MROH9: variants seen among roughly 807,000 people sequenced by gnomAD.
MROH9 encodes the protein maestro heat like repeat family member 9.
A neutral mutation model predicts 98.2 loss-of-function variants in MROH9; 92 were observed. The observed-to-expected ratio is 0.94, with a 90% confidence interval of 0.79 to 1.11. MROH9 has a LOEUF of 1.11. Ranked by LOEUF, MROH9 falls within the 50% of genes most tolerant of loss-of-function variation. The pLI is 0.00. For missense variants in MROH9, 1,057 were observed against 1,014.8 expected (o/e 1.04, Z -0.57); for synonymous variants, 397 against 368.9 (o/e 1.08, Z -0.87).
chr1:170,946,732 T>C (rs1649344926), intron 2 of MROH9, among the ~76,000 whole-genome samples: 1 of 151,848 alleles, frequency 6.6e-6, no homozygotes, highest in Non-Finnish European at 1.5e-5. Context: ...ATAGAAGACA[T>C]AAAATAATTA....
At chr1:171,054,964 A>G (rs1653789065) in intron 20 of MROH9, among the ~76,000 whole-genome samples, 1 of 152,090 alleles carries the variant, frequency 6.6e-6, no homozygotes, top group Admixed American at 6.6e-5. Context: ...AAACAACTAA[A>G]AGTAGATCTA....
chr1:171,030,395 G>A (rs905983593), intron 20 of MROH9, among the ~76,000 whole-genome samples: 1 of 152,060 alleles, frequency 6.6e-6, no homozygotes, highest in Non-Finnish European at 1.5e-5. Flanking sequence ...GTCAATTTGA[G>A]ATCTTCCAAG....
At chr1:170,952,095 A>C (rs958482878) in intron 3 of MROH9, among the ~76,000 whole-genome samples, 1 of 151,624 alleles carries the variant, frequency 6.6e-6, no homozygotes, top group African/African-American at 2.4e-5. Context: ...AAAAGTCAGG[A>C]AACAACAGGT....
intron 17 of MROH9, among the ~76,000 whole-genome samples, chr1:171,017,390 T>C (rs1316867380): frequency 2.0e-5 from 3 of 152,220 alleles, no homozygotes; most frequent in Non-Finnish European, 2.9e-5. Flanking sequence ...TGAGTGAGCA[T>C]GCTACCCAGC....
At chr1:171,045,146 G>A (rs568954689) in intron 20 of MROH9, among the ~76,000 whole-genome samples, 4 of 150,720 alleles carry the variant, frequency 2.7e-5, no homozygotes, top group African/African-American at 7.3e-5. Flanking sequence ...GACTACAGGC[G>A]CCCGCCACCA....
chr1:170,955,872 G>T (rs1649739440), intron 3 of MROH9, among the ~76,000 whole-genome samples: 2 of 152,076 alleles, frequency 1.3e-5, no homozygotes, highest in Admixed American at 6.6e-5. Context: ...TTGGGTTCTT[G>T]GTCATGAAAT....
chr1:170,973,659 T>C (rs1307807969), intron 8 of MROH9, among the ~76,000 whole-genome samples: 2 of 152,170 alleles, frequency 1.3e-5, no homozygotes, highest in African/African-American at 4.8e-5. Context: ...GCAGATCACC[T>C]GAGGTCAAGA....
intron 3 of MROH9, among the ~76,000 whole-genome samples, chr1:170,957,578 T>C (rs1404674139): frequency 6.6e-6 from 1 of 152,218 alleles, no homozygotes. Context: ...TTTTGTATTA[T>C]AGCTTGAAAT....
chr1:170,973,261 A>G (rs9427209), intron 8 of MROH9, among the ~76,000 whole-genome samples: 12,648 of 152,192 alleles, frequency 0.083, 653 homozygotes, highest in Non-Finnish European at 0.11. Context: ...GGAAACAACA[A>G]AAATGATTAG....
At chr1:170,998,806 A>G in intron 15 of MROH9, 1 of 919,112 alleles carries the variant, frequency 1.1e-6, no homozygotes, top group Non-Finnish European at 1.3e-6. Context: ...ATAACCTGAA[A>G]TTATCAAATC....
chr1:170,999,278 A>G (rs141206643), intron 15 of MROH9, among the ~76,000 whole-genome samples: 15 of 152,058 alleles, frequency 9.9e-5, no homozygotes, highest in African/African-American at 3.1e-4. Context: ...AGCAGCATAC[A>G]CTGCACAATA....
At chr1:170,956,577 C>G (rs1452011148) in intron 3 of MROH9, among the ~76,000 whole-genome samples, 1 of 111,500 alleles carries the variant, frequency 9.0e-6, no homozygotes, top group African/African-American at 4.0e-5. Context: ...TTGTTTTTCT[C>G]TTTCCTTTTT....
chr1:171,016,274 G>A lies in MROH9; in HGVS notation c.1846G>A (p.Asp616Asn), dbSNP rs1245406186. 14 of 1,538,146 alleles carry A rather than the reference G, an allele frequency of 9.1e-6. No individual in the cohort carries two copies. Among genetic ancestry groups the A allele is most frequent in the South Asian group, 1.2e-5 (1 of 81,458 alleles). The change falls in exon 17 of 22, where the codon GAC (aspartate) becomes AAC (asparagine). Residue 616 changes from aspartate to asparagine, a missense_variant. Transcript: ENST00000367759. ...LTLRRLLNEL[D>N]KVTYSLGTRI... is the part of the protein sequence containing the mutation. Reference sequence around the variant, plus strand: ...CCTTAGAAGGCTTTTAAACGAACTGGACAAAGTGACCTACTCTTTGGGTAC... The same window carrying A: ...CCTTAGAAGGCTTTTAAACGAACTGAACAAAGTGACCTACTCTTTGGGTAC...
chr1:171,008,685 G>A (rs1184671752), intron 15 of MROH9, among the ~76,000 whole-genome samples: 1 of 152,218 alleles, frequency 6.6e-6, no homozygotes, highest in Non-Finnish European at 1.5e-5. Flanking sequence ...GAGGCCAGGA[G>A]TTTGAGGCTG....
At chr1:170,978,003 T>C (rs961833517) in intron 8 of MROH9, among the ~76,000 whole-genome samples, 1 of 152,158 alleles carries the variant, frequency 6.6e-6, no homozygotes, top group Non-Finnish European at 1.5e-5. Context: ...GAGTTGCAGA[T>C]TAGGTATTTA....
At chr1:170,956,294 T>C (rs1649754626) in intron 3 of MROH9, among the ~76,000 whole-genome samples, 1 of 152,150 alleles carries the variant, frequency 6.6e-6, no homozygotes, top group Non-Finnish European at 1.5e-5. Context: ...GCTTTGGCTA[T>C]GTGGGCTCTT....
intron 3 of MROH9, among the ~76,000 whole-genome samples, chr1:170,954,240 T>C (rs1176446275): frequency 6.6e-6 from 1 of 152,174 alleles, no homozygotes; most frequent in African/African-American, 2.4e-5. Flanking sequence ...ACACTATTGA[T>C]TGGATAATTT....
chr1:171,023,849 T>C (rs74123658), intron 17 of MROH9, among the ~76,000 whole-genome samples: 19 of 152,278 alleles, frequency 1.2e-4, no homozygotes, highest in African/African-American at 4.3e-4. Context: ...ATCTCTAGAA[T>C]TTATTCATCC....
At chr1:170,970,726 G>GTGTT (rs1553212266) in intron 7 of MROH9, among the ~76,000 whole-genome samples, 7 of 137,030 alleles carry the variant, frequency 5.1e-5, no homozygotes, top group African/African-American at 2.0e-4. Context: ...GTGTGTGTGT[G>GTGTT]TGTGTGAGAG....
Sources: gnomAD v4.1 joint callset for allele counts (sites outside exome capture counted in the v4.1 genomes callset) on GRCh38, gnomAD v4.1.1 for gene constraint, MANE v1.5 for transcripts, NCBI Gene and HGNC (gene_info 2026-07-23, HGNC 2026-07-21) for gene names.